The following HDAC9 variants were observed in gnomAD, a reference collection of about 807,000 sequenced individuals.
The protein encoded by HDAC9 is MEF-2 interacting transcription repressor (MITR) protein.
HDAC9 carries 41 observed loss-of-function variants against 139.4 expected under a neutral mutation model. The observed-to-expected ratio is 0.29, with a 90% CI of 0.23 to 0.38. HDAC9 has a LOEUF of 0.38. Ranked by LOEUF, HDAC9 falls within the 10% of genes least tolerant of loss-of-function variation. The pLI, the probability that HDAC9 is intolerant of heterozygous loss-of-function variation, is 1.00. For synonymous variants in HDAC9, 517 were observed against 476.2 expected, an observed-to-expected ratio of 1.09 and a Z score of -1.12; for missense variants, 1,147 against 1,297.0, an observed-to-expected ratio of 0.88 and a Z score of 1.78.
intron 24 of HDAC9, among the ~76,000 whole-genome samples, chr7:18,966,687 C>T (rs970287507): frequency 2.7e-5 from 4 of 150,250 alleles, no homozygotes; most frequent in African/African-American, 7.4e-5. Flanking sequence ...GGTGACAGAG[C>T]GAGACTCCGA....
chr7:18,438,980 A>C (rs956778510), intron 1 of HDAC9, among the ~76,000 whole-genome samples: 3 of 152,198 alleles, frequency 2.0e-5, no homozygotes, highest in African/African-American at 7.2e-5. Context: ...AGTACAAAAC[A>C]ATGTGTGTGC....
intron 1 of HDAC9, among the ~76,000 whole-genome samples, chr7:18,386,203 T>C (rs1404061697): frequency 6.6e-6 from 1 of 152,168 alleles, no homozygotes; most frequent in African/African-American, 2.4e-5. Context: ...TCTGACACCA[T>C]GTACCTTGTA....
chr7:18,292,805 G>A (rs1340367739), intron 1 of HDAC9, among the ~76,000 whole-genome samples: 1 of 152,088 alleles, frequency 6.6e-6, no homozygotes. Context: ...GAATCTTCTG[G>A]GAGGTGCTGA....
At chr7:18,940,338 T>TATA (rs1781941331) in intron 23 of HDAC9, among the ~76,000 whole-genome samples, 1 of 152,178 alleles carries the variant, frequency 6.6e-6, no homozygotes, top group African/African-American at 2.4e-5. Context: ...ACAAGGTCAG[T>TATA]CAAAATAGTA....
At chr7:18,243,276 ACTATTCTTGACTTCCTTTT>A (rs1794311612) in intron 2 of HDAC9, among the ~76,000 whole-genome samples, 1 of 152,268 alleles carries the variant, frequency 6.6e-6, no homozygotes, top group Non-Finnish European at 1.5e-5. Flanking sequence ...GTGCTACGAA[ACTATTCTTGACTTCCTTTT>A]CTTTGGTTCT....
chr7:18,317,125 A>T (rs1192435699), intron 1 of HDAC9, among the ~76,000 whole-genome samples: 1 of 148,370 alleles, frequency 6.7e-6, no homozygotes, highest in Non-Finnish European at 1.5e-5. Context: ...AAATAAATAA[A>T]TAAATAAATA....
chr7:18,811,710 C>T (rs1159273740), intron 17 of HDAC9, among the ~76,000 whole-genome samples: 1 of 151,562 alleles, frequency 6.6e-6, no homozygotes, highest in Admixed American at 6.6e-5. Flanking sequence ...TATGTAGATT[C>T]TCACATTTAA....
At chr7:18,958,027 C>A (rs1783279449) in intron 24 of HDAC9, among the ~76,000 whole-genome samples, 1 of 152,134 alleles carries the variant, frequency 6.6e-6, no homozygotes, top group Non-Finnish European at 1.5e-5. Flanking sequence ...CTGAGTCCCC[C>A]AGCTGAGGGT....
chr7:18,568,092 G>A (rs1255304694), intron 2 of HDAC9, among the ~76,000 whole-genome samples: 9 of 144,044 alleles, frequency 6.2e-5, no homozygotes, highest in African/African-American at 2.3e-4. Flanking sequence ...GCACAGATTG[G>A]AACAGTCTAT....
At chr7:18,136,625 G>A (rs1280670062) in intron 1 of HDAC9, among the ~76,000 whole-genome samples, 2 of 152,118 alleles carry the variant, frequency 1.3e-5, no homozygotes, top group Non-Finnish European at 2.9e-5. Flanking sequence ...GATATGCGGT[G>A]TTATTTCTGA....
chr7:18,590,273 G>C lies in HDAC9; in HGVS notation c.265-63G>C, dbSNP rs1287272162. On this transcript the variant is annotated intron_variant, in intron 3 of 25. Coordinates refer to ENST00000686413, the MANE Select transcript of HDAC9 (RefSeq NM_178425.4). ...CAAAAGCTCATAACATTTCAGTTTTGGTCAGTGATGACTATGAAGCCTAAA... is the reference window on the plus strand; with the variant it reads ...CAAAAGCTCATAACATTTCAGTTTTCGTCAGTGATGACTATGAAGCCTAAA... 2.6e-6 allele frequency: 4 copies of C among 1,530,410 alleles called. No individual in the cohort carries two copies. In the African/African-American group the frequency reaches 5.5e-5, roughly 21 times the overall value. The allele number at this position is 1,530,410 out of a possible 1,614,324, so 94.8% of individuals were successfully genotyped here. A position where few individuals can be genotyped will look rare whatever the true frequency, so the allele number is the denominator to read the frequency against.
chr7:18,239,953 G>GTTTTTTT (rs34044255), intron 2 of HDAC9, among the ~76,000 whole-genome samples: 1 of 132,982 alleles, frequency 7.5e-6, no homozygotes, highest in African/African-American at 2.8e-5. Context: ...GGTGCTGCAT[G>GTTTTTTT]TTTTTTTTTT....
intron 13 of HDAC9, among the ~76,000 whole-genome samples, chr7:18,729,621 G>C (rs1424712268): frequency 6.6e-6 from 1 of 152,100 alleles, no homozygotes. Context: ...AACATAAACA[G>C]GACATAATCC....
chr7:18,321,069 G>T (rs1205294855), intron 1 of HDAC9, among the ~76,000 whole-genome samples: 2 of 152,110 alleles, frequency 1.3e-5, no homozygotes, highest in Non-Finnish European at 2.9e-5. Context: ...GACCAAATAG[G>T]TTCCTCTATC....
chr7:18,777,608 G>A (rs1338069848), intron 16 of HDAC9, among the ~76,000 whole-genome samples: 1 of 151,904 alleles, frequency 6.6e-6, no homozygotes, highest in Non-Finnish European at 1.5e-5. Flanking sequence ...TTGACAATCA[G>A]TTTCTGATCC....
chr7:18,175,860 T>C (rs1408515649), intron 2 of HDAC9, among the ~76,000 whole-genome samples: 1 of 147,712 alleles, frequency 6.8e-6, no homozygotes. Context: ...TCACATATCA[T>C]TGCATAATTA....
chr7:18,715,935 G>A (rs1481093062), intron 12 of HDAC9, among the ~76,000 whole-genome samples: 1 of 152,070 alleles, frequency 6.6e-6, no homozygotes, highest in East Asian at 1.9e-4. Context: ...TTCTTCCACA[G>A]ATCCTAGACT....
At chr7:18,606,451 C>T (rs534003645) in intron 6 of HDAC9, among the ~76,000 whole-genome samples, 1 of 152,076 alleles carries the variant, frequency 6.6e-6, no homozygotes, top group Non-Finnish European at 1.5e-5. Flanking sequence ...ACATCAGTGT[C>T]CAGCTTGCTC....
At chr7:18,664,893 A>G (rs542999438) in intron 11 of HDAC9, among the ~76,000 whole-genome samples, 1 of 152,254 alleles carries the variant, frequency 6.6e-6, no homozygotes, top group South Asian at 2.1e-4. Flanking sequence ...CTATTTTTCT[A>G]ATGCTTAGCA....
Sources: gnomAD v4.1 joint callset for allele counts (sites outside exome capture counted in the v4.1 genomes callset) on GRCh38, gnomAD v4.1.1 for gene constraint, MANE v1.5 for transcripts, NCBI Gene and HGNC (gene_info 2026-07-23, HGNC 2026-07-21) for gene names.